Variants in THSD4 observed in about 807,000 individuals in gnomAD.
THSD4 encodes the protein thrombospondin type-1 domain-containing protein 4.
THSD4 carries 69 observed loss-of-function variants against 119.0 expected under a neutral mutation model. That is an observed-to-expected ratio of 0.58 (90% confidence interval 0.48 to 0.71). THSD4 has a LOEUF of 0.71. Ranked by LOEUF, THSD4 falls within the 30% of genes least tolerant of loss-of-function variation. The pLI is 0.00. For synonymous variants in THSD4, 524 were observed against 540.4 expected, an observed-to-expected ratio of 0.97 and a Z score of 0.42; for missense variants, 1,393 against 1,391.1, an observed-to-expected ratio of 1.00 and a Z score of -0.02.
chr15:71,306,943 G>A (rs2045038507), intron 6 of THSD4, among the ~76,000 whole-genome samples: 1 of 152,042 alleles, frequency 6.6e-6, no homozygotes, highest in African/African-American at 2.4e-5. Context: ...TTTTTTAATT[G>A]GCCTCATGTC....
rs1482486007 is a variant in THSD4 at position 71,782,689 on chromosome 15, A to G, written c.*5315A>G. 6.6e-6 allele frequency: 1 copy of G among 152,170 alleles called. No individual in the cohort carries two copies. The highest frequency in any genetic ancestry group is 1.5e-5 in the Non-Finnish European group (1 of 68,040). The allele number at this position is 152,170 out of a possible 1,614,324, so 9.4% of individuals were successfully genotyped here. ...ATAGTTACAATTGTTTAGTATGCTAATCAGTCCAGTTCCCTGAGGTTTAAG... is the reference window on the plus strand; with the variant it reads ...ATAGTTACAATTGTTTAGTATGCTAGTCAGTCCAGTTCCCTGAGGTTTAAG... On this transcript the variant is annotated 3_prime_UTR_variant, in exon 18 of 18. Coordinates refer to ENST00000261862, the MANE Select transcript of THSD4 (RefSeq NM_024817.3).
chr15:71,697,645 G>A (rs1388207379), intron 8 of THSD4, among the ~76,000 whole-genome samples: 2 of 152,226 alleles, frequency 1.3e-5, no homozygotes, highest in Admixed American at 1.3e-4. Flanking sequence ...GTAGAATTCA[G>A]ATCAGTCCAA....
chr15:71,407,289 C>T (rs111302627), intron 6 of THSD4, among the ~76,000 whole-genome samples: 1 of 152,140 alleles, frequency 6.6e-6, no homozygotes, highest in South Asian at 2.1e-4. Context: ...TTGGAGACTC[C>T]GTAATGCTGC....
intron 6 of THSD4, among the ~76,000 whole-genome samples, chr15:71,277,128 C>CTTTT (rs779207517): frequency 0.21 from 25,819 of 122,810 alleles, 3,560 homozygotes; most frequent in Admixed American, 0.32. Context: ...TCTTCTTCTT[C>CTTTT]TTTTTTTTTT....
chr15:71,466,719 A>T (rs547018697), intron 7 of THSD4, among the ~76,000 whole-genome samples: 39 of 152,286 alleles, frequency 2.6e-4, no homozygotes, highest in African/African-American at 8.9e-4. Flanking sequence ...CGATTTCTGA[A>T]TTGGAGCCAG....
chr15:71,118,050 A>T (rs1327070155), intron 1 of THSD4, among the ~76,000 whole-genome samples: 1 of 152,162 alleles, frequency 6.6e-6, no homozygotes, highest in Non-Finnish European at 1.5e-5. Flanking sequence ...GAGCTAGGGC[A>T]GTTACCACTG....
At chr15:71,183,227 A>G (rs1189819738) in intron 3 of THSD4, 2 of 151,762 alleles carry the variant, frequency 1.3e-5, no homozygotes, top group Non-Finnish European at 2.9e-5. Flanking sequence ...CTGTAAAACC[A>G]TCGGATCTTG....
At chr15:71,753,345 A>G (rs1212377773) in intron 14 of THSD4, among the ~76,000 whole-genome samples, 1 of 152,248 alleles carries the variant, frequency 6.6e-6, no homozygotes, top group Non-Finnish European at 1.5e-5. Context: ...CACTTTTAGA[A>G]AGTCCACCAG....
At position 71,242,693 on chromosome 15, in the gene THSD4, G is replaced by T; in HGVS notation, c.509G>T (p.Gly170Val). The change falls in exon 5 of 18, where the codon GGT becomes GTT. Residue 170 changes from glycine to valine, a missense_variant. Transcript: ENST00000261862. ...GTIGPGKYGY[G>V]KAPYILPLQT... is the part of the protein sequence containing the mutation. ...ATTGGCCCTGGCAAGTATGGCTATG[G>T]TAAGGCCCCATATATCTTACCACTG... 2.5e-6 allele frequency: 4 copies of T among 1,614,108 alleles called. No individual in the cohort carries two copies. The highest frequency in any genetic ancestry group is 3.4e-6 in the Non-Finnish European group (4 of 1,180,012).
At chr15:71,545,862 G>A (rs1299240015) in intron 7 of THSD4, among the ~76,000 whole-genome samples, 1 of 152,154 alleles carries the variant, frequency 6.6e-6, no homozygotes, top group East Asian at 1.9e-4. Flanking sequence ...AAATGGTCAT[G>A]TGACTGGTGA....
At chr15:71,399,520 T>C (rs1353756602) in intron 6 of THSD4, among the ~76,000 whole-genome samples, 1 of 152,236 alleles carries the variant, frequency 6.6e-6, no homozygotes, top group Non-Finnish European at 1.5e-5. Context: ...CTTCACTGTC[T>C]AGCTTTCAAG....
chr15:71,232,329 C>G (rs185581428), intron 4 of THSD4, among the ~76,000 whole-genome samples: 18 of 152,238 alleles, frequency 1.2e-4, no homozygotes, highest in Admixed American at 5.9e-4. Context: ...TGCTGAGCAA[C>G]GAGGCTCTGG....
intron 7 of THSD4, among the ~76,000 whole-genome samples, chr15:71,572,813 G>A (rs2049382268): frequency 6.6e-6 from 1 of 152,184 alleles, no homozygotes; most frequent in Non-Finnish European, 1.5e-5. Context: ...ACAGGAAGGA[G>A]GTTGGTTGGG....
intron 6 of THSD4, among the ~76,000 whole-genome samples, chr15:71,290,184 C>T (rs1026989117): frequency 2.0e-5 from 3 of 152,188 alleles, no homozygotes; most frequent in African/African-American, 7.2e-5. Flanking sequence ...CCATGGGCAA[C>T]AGTGTATGAG....
At chr15:71,327,969 C>T (rs568788600) in intron 6 of THSD4, among the ~76,000 whole-genome samples, 9 of 152,300 alleles carry the variant, frequency 5.9e-5, no homozygotes, top group African/African-American at 2.2e-4. Flanking sequence ...GCAATGATGG[C>T]CTCTTTTCCC....
At chr15:71,228,510 A>G (rs750870110) in intron 4 of THSD4, among the ~76,000 whole-genome samples, 1 of 152,242 alleles carries the variant, frequency 6.6e-6, no homozygotes, top group Non-Finnish European at 1.5e-5. Flanking sequence ...TACAGCAGCT[A>G]CAGAAACTAA....
At chr15:71,693,602 C>G (rs2052100479) in intron 8 of THSD4, among the ~76,000 whole-genome samples, 1 of 152,124 alleles carries the variant, frequency 6.6e-6, no homozygotes, top group Non-Finnish European at 1.5e-5. Context: ...GATCTCACCA[C>G]TTGATATGGT....
At chr15:71,210,864 G>A (rs1424822731) in intron 3 of THSD4, among the ~76,000 whole-genome samples, 3 of 151,922 alleles carry the variant, frequency 2.0e-5, no homozygotes, top group Non-Finnish European at 4.4e-5. Context: ...CATTCTAACT[G>A]GGCTCCTATT....
intron 7 of THSD4, among the ~76,000 whole-genome samples, chr15:71,635,483 T>C (rs910500484): frequency 6.6e-6 from 1 of 152,160 alleles, no homozygotes; most frequent in Non-Finnish European, 1.5e-5. Flanking sequence ...TGATTTTCTT[T>C]GAAAGAAAAA....
Sources: gnomAD v4.1 joint callset for allele counts (sites outside exome capture counted in the v4.1 genomes callset) on GRCh38, gnomAD v4.1.1 for gene constraint, MANE v1.5 for transcripts, NCBI Gene and HGNC (gene_info 2026-07-23, HGNC 2026-07-21) for gene names.